RAB33B: variants seen among roughly 807,000 people sequenced by gnomAD.
RAB33B encodes ras-related protein Rab-33B.
In RAB33B, 6 loss-of-function variants were observed where a neutral mutation model predicts 15.0. The observed-to-expected ratio is 0.40, with a 90% CI of 0.22 to 0.79. RAB33B has a LOEUF of 0.79. Ranked by LOEUF, RAB33B falls within the 30% of genes least tolerant of loss-of-function variation. The probability of loss-of-function intolerance (pLI) is 0.37; values close to 1 mark genes in which losing one functional copy is unlikely to be tolerated. For synonymous variants in RAB33B, 117 were observed against 108.3 expected, an observed-to-expected ratio of 1.08 and a Z score of -0.50; for missense variants, 257 against 296.4, an observed-to-expected ratio of 0.87 and a Z score of 0.98.
At chr4:139,442,077 A>C in the RAB33B span, among the ~76,000 whole-genome samples, 1 of 152,076 alleles carries the variant, frequency 6.6e-6, no homozygotes, top group Non-Finnish European at 1.5e-5. Flanking sequence ...GATTTAAGGC[A>C]TTTTTCCCTT....
the RAB33B span, among the ~76,000 whole-genome samples, chr4:139,443,403 A>T: frequency 6.6e-6 from 1 of 152,206 alleles, no homozygotes; most frequent in Non-Finnish European, 1.5e-5. Context: ...CTTTGACTCT[A>T]TGTGGAGAAC....
chr4:139,465,722 C>CTTTTT (rs375295002), intron 1 of RAB33B, among the ~76,000 whole-genome samples: 3 of 133,230 alleles, frequency 2.3e-5, no homozygotes, highest in Non-Finnish European at 4.8e-5. Flanking sequence ...TCTTCTTCTT[C>CTTTTT]TTTTTTTTTT....
chr4:139,471,485 T>C (rs1750390076), intron 1 of RAB33B, among the ~76,000 whole-genome samples: 1 of 151,998 alleles, frequency 6.6e-6, no homozygotes, highest in Non-Finnish European at 1.5e-5. Context: ...TAAAACTAGG[T>C]ACTATGAGTG....
the RAB33B span, among the ~76,000 whole-genome samples, chr4:139,440,669 G>T: frequency 1.4e-3 from 216 of 151,638 alleles, no homozygotes; most frequent in African/African-American, 4.9e-3. Flanking sequence ...CTGGAGTGCA[G>T]TGAGGTGATC....
chr4:139,459,208 A>G lies in RAB33B; in HGVS notation c.249+4764A>G, dbSNP rs554275613. Among the ~76,000 whole-genome samples, 4 of 151,966 alleles carry G rather than the reference A, an allele frequency of 2.6e-5. No homozygotes were observed. The South Asian group carries it at 8.3e-4, about 32-fold the overall frequency. On this transcript the variant is annotated intron_variant, in intron 1 of 1. Transcript: ENST00000305626. ...TGTAATCCCGGCACTTTGGGAGGCC[A>G]AAGATCACTTGAGCCCAGGAATTCA...
the RAB33B span, among the ~76,000 whole-genome samples, chr4:139,439,411 T>C: frequency 1.1e-4 from 17 of 152,254 alleles, no homozygotes; most frequent in African/African-American, 3.6e-4. Context: ...GCTGATAATC[T>C]TATTGAGGAT....
At chr4:139,470,914 G>C (rs35149971) in intron 1 of RAB33B, among the ~76,000 whole-genome samples, 39,218 of 151,794 alleles carry the variant, frequency 0.26, 5,297 homozygotes, top group African/African-American at 0.31. Flanking sequence ...AAGATCAAGA[G>C]AGCATCCTCC....
At chr4:139,470,738 C>T in intron 1 of RAB33B, among the ~76,000 whole-genome samples, 1 of 152,122 alleles carries the variant, frequency 6.6e-6, no homozygotes, top group Admixed American at 6.5e-5. Flanking sequence ...GAAGGCTCTT[C>T]AGTTAGCAGT....
intron 1 of RAB33B, among the ~76,000 whole-genome samples, chr4:139,471,091 T>C (rs990986016): frequency 6.6e-6 from 1 of 152,202 alleles, no homozygotes; most frequent in African/African-American, 2.4e-5. Context: ...GCGCACTGTC[T>C]CTGGGCCAGT....
chr4:139,445,818 T>C, the RAB33B span, among the ~76,000 whole-genome samples: 5 of 152,290 alleles, frequency 3.3e-5, no homozygotes, highest in Non-Finnish European at 5.9e-5. Context: ...CAAGGGATGC[T>C]GTTTGGAGCC....
intron 1 of RAB33B, among the ~76,000 whole-genome samples, chr4:139,472,054 T>C (rs376779843): frequency 3.9e-5 from 6 of 152,356 alleles, no homozygotes; most frequent in African/African-American, 1.2e-4. Flanking sequence ...TCTGTTCCAT[T>C]GATTTCTGTA....
chr4:139,454,596 C>A, intron 1 of RAB33B, 152 bp downstream of exon 1: 1 of 866,480 alleles, frequency 1.2e-6, no homozygotes, highest in Non-Finnish European at 1.7e-6. Flanking sequence ...GATTGCAATA[C>A]TGCAAACTTC....
At chr4:139,444,105 T>C in the RAB33B span, among the ~76,000 whole-genome samples, 1 of 152,076 alleles carries the variant, frequency 6.6e-6, no homozygotes, top group South Asian at 2.1e-4. Flanking sequence ...GAATGGATAT[T>C]AAGGGTGTGG....
At chr4:139,438,596 C>CT in the RAB33B span, among the ~76,000 whole-genome samples, 13,075 of 148,722 alleles carry the variant, frequency 0.088, 1,838 homozygotes, top group African/African-American at 0.3. Flanking sequence ...AATCATCTGC[C>CT]TTTTTTTTTT....
the RAB33B span, among the ~76,000 whole-genome samples, chr4:139,442,691 C>T: frequency 2.0e-5 from 3 of 152,160 alleles, no homozygotes; most frequent in Non-Finnish European, 4.4e-5. Flanking sequence ...TTCAGGAACT[C>T]GGACTGGCTT....
Position 139,454,248 on chromosome 4 carries a change from C to A in RAB33B, c.53C>A (p.Ala18Glu), listed in dbSNP as rs1318546831. 2 of 1,614,118 alleles carry A rather than the reference C, an allele frequency of 1.2e-6. No homozygotes were observed. Among genetic ancestry groups the A allele is most frequent in the Non-Finnish European group, 8.5e-7 (1 of 1,179,988 alleles). The change falls in exon 1 of 2, where the codon GCA (alanine) becomes GAA (glutamate). Residue 18 changes from alanine (A) to glutamate (E), a missense_variant. Physicochemically the swap from Ala to Glu is moderately radical, Grantham distance 107. Transcript: ENST00000305626. ...GAGGCAAGCTTTTCGTCCAGCGGGGCAGTGTCAGGGGCCTCAGGGTTTTTG... is the reference window on the plus strand; with the variant it reads ...GAGGCAAGCTTTTCGTCCAGCGGGGAAGTGTCAGGGGCCTCAGGGTTTTTG... ...SLEASFSSSG[A>E]VSGASGFLPP...
chr4:139,441,069 G>T, the RAB33B span, among the ~76,000 whole-genome samples: 1 of 152,234 alleles, frequency 6.6e-6, no homozygotes, highest in South Asian at 2.1e-4. Context: ...GCTAAGTGTC[G>T]GCTATTCTAA....
chr4:139,469,815 G>A (rs1288795437), intron 1 of RAB33B, among the ~76,000 whole-genome samples: 5 of 152,170 alleles, frequency 3.3e-5, no homozygotes, highest in East Asian at 1.9e-4. Flanking sequence ...GCAGAGATGC[G>A]TGCTTCCTTC....
chr4:139,460,900 G>T (rs1439504608), intron 1 of RAB33B, among the ~76,000 whole-genome samples: 2 of 152,144 alleles, frequency 1.3e-5, no homozygotes, highest in South Asian at 4.1e-4. Context: ...TGTTTTTCTA[G>T]CCTGATTTCA....
Sources: gnomAD v4.1 joint callset for allele counts (sites outside exome capture counted in the v4.1 genomes callset) on GRCh38, gnomAD v4.1.1 for gene constraint, MANE v1.5 for transcripts, NCBI Gene and HGNC (gene_info 2026-07-23, HGNC 2026-07-21) for gene names.